The following CUX1 variants were observed in gnomAD, a reference collection of about 807,000 sequenced individuals.
CUX1 encodes the protein cut like homeobox 1.
CUX1 carries 31 observed loss-of-function variants against 158.8 expected under a neutral mutation model. That is an observed-to-expected ratio of 0.20 (90% CI 0.15 to 0.26). The LOEUF is 0.26. Among genes scored for constraint, CUX1 ranks in the 10% least tolerant of loss-of-function variants. The pLI is 1.00. For missense variants in CUX1, 1,589 were observed against 2,014.6 expected (o/e 0.79, Z 4.04); for synonymous variants, 879 against 862.1 (o/e 1.02, Z -0.34).
intron 1 of CUX1, among the ~76,000 whole-genome samples, chr7:101,900,945 A>G (rs1802077663): frequency 6.6e-6 from 1 of 152,222 alleles, no homozygotes; most frequent in East Asian, 1.9e-4. Context: ...TCTAACAATG[A>G]TAACTACTAT....
chr7:102,266,203 CAAA>C (rs34666659), intron 14 of CUX1, among the ~76,000 whole-genome samples: 5 of 100,936 alleles, frequency 5.0e-5, no homozygotes, highest in Non-Finnish European at 8.1e-5. Context: ...GACTCCGTTT[CAAA>C]AAAAAAAAAA....
In CUX1 at chr7:102,249,852, A is replaced by G. The variant is rs1554539242; in HGVS notation, c.*810A>G. On this transcript the variant is annotated 3_prime_UTR_variant, in exon 24 of 24. Coordinates refer to ENST00000292535, the MANE Select transcript of CUX1 (RefSeq NM_181552.4). Reference sequence around the variant, plus strand: ...CTTTGAATTAAAATAAAACACATTTACTCCACATATTTTTTAACAAAAAGA... The same window carrying G: ...CTTTGAATTAAAATAAAACACATTTGCTCCACATATTTTTTAACAAAAAGA... 2 of 985,514 alleles carry G rather than the reference A, an allele frequency of 2.0e-6. No homozygotes were observed. The highest frequency in any genetic ancestry group is 1.2e-6 in the Non-Finnish European group (1 of 829,784). The allele number at this position is 985,514 out of a possible 1,614,324, so 61.0% of individuals were successfully genotyped here.
intron 1 of CUX1, among the ~76,000 whole-genome samples, chr7:101,825,567 GTCCCGCAGTTTGTCA>G (rs1266418512): frequency 6.6e-6 from 1 of 152,158 alleles, no homozygotes; most frequent in African/African-American, 2.4e-5. Flanking sequence ...CTCAGCCCTG[GTCCCGCAGTTTGTCA>G]TCCCGCAGTT....
At chr7:101,848,899 C>T (rs990958501) in intron 1 of CUX1, among the ~76,000 whole-genome samples, 40 of 110,934 alleles carry the variant, frequency 3.6e-4, no homozygotes, top group Non-Finnish European at 5.6e-4. Context: ...ACTAACTGAA[C>T]ACTTGCAAGG....
chr7:102,041,256 CTTTTTTTTTTTTTTTT>C (rs11427183), intron 3 of CUX1, among the ~76,000 whole-genome samples: 2 of 69,892 alleles, frequency 2.9e-5, no homozygotes, highest in East Asian at 5.4e-4. Context: ...CTTATCCATT[CTTTTTTTTTTTTTTTT>C]TTTTTTTTTT....
At chr7:101,905,855 CTTTT>C (rs759716687) in intron 1 of CUX1, among the ~76,000 whole-genome samples, 2 of 152,062 alleles carry the variant, frequency 1.3e-5, no homozygotes, top group Admixed American at 6.6e-5. Context: ...TTCTTTCTTT[CTTTT>C]TATTTTTTTA....
At chr7:101,907,101 A>G (rs1260344704) in intron 1 of CUX1, among the ~76,000 whole-genome samples, 1 of 152,232 alleles carries the variant, frequency 6.6e-6, no homozygotes, top group Non-Finnish European at 1.5e-5. Flanking sequence ...GTGTCTGAGA[A>G]CATTTGGGAA....
At chr7:102,065,823 G>A (rs891116753) in intron 3 of CUX1, among the ~76,000 whole-genome samples, 3 of 151,556 alleles carry the variant, frequency 2.0e-5, no homozygotes, top group South Asian at 4.2e-4. Context: ...ATGGAGTCTC[G>A]CTCTGTCGCC....
rs377385077 is a variant in CUX1, at chr7:102,256,038, C to T, written c.*6996C>T. 7 of 985,298 alleles carry T rather than the reference C, an allele frequency of 7.1e-6. No individual in the cohort carries two copies. Among genetic ancestry groups the T allele is most frequent in the South Asian group, 4.7e-5 (1 of 21,292 alleles). 61.0% of individuals were successfully genotyped at this position (985,298 alleles called of 1,614,324 possible). A position where few individuals can be genotyped will look rare whatever the true frequency, so the allele number is the denominator to read the frequency against. On this transcript the variant is annotated 3_prime_UTR_variant, in exon 24 of 24. Coordinates refer to ENST00000292535, the MANE Select transcript of CUX1 (RefSeq NM_181552.4). ...ACTGTAGTTCCGTTTGTTCATGAAC[C>T]GAAGGGAAAACAGGCCTCCCCGACT...
chr7:102,049,910 G>A (rs745627037), intron 3 of CUX1, among the ~76,000 whole-genome samples: 2 of 152,094 alleles, frequency 1.3e-5, no homozygotes, highest in Non-Finnish European at 2.9e-5. Flanking sequence ...GCAGATAAGG[G>A]CTGCCGCTCT....
At chr7:102,128,055 C>T (rs1449157016) in intron 8 of CUX1, among the ~76,000 whole-genome samples, 2 of 152,192 alleles carry the variant, frequency 1.3e-5, no homozygotes, top group African/African-American at 4.8e-5. Flanking sequence ...GCCAGTTGGC[C>T]AAGCTGGTCT....
rs781841903 is a variant in CUX1 at position 102,158,551 on chromosome 7, C to T, written c.675-9C>T. ...TGACTAACCTGCTCTCTCCCTCTCA[C>T]CCTCCTAGGGCCGACGAGATTGAAA... On this transcript the variant is annotated splice_polypyrimidine_tract_variant and intron_variant, in intron 8 of 23. Coordinates refer to ENST00000292535, the MANE Select transcript of CUX1 (RefSeq NM_181552.4). 1.2e-6 allele frequency: 2 copies of T among 1,613,990 alleles called. No individual in the cohort carries two copies. Among genetic ancestry groups the T allele is most frequent in the African/African-American group, 2.7e-5 (2 of 75,016 alleles).
rs1279668364 is a variant in CUX1 at position 102,283,078 on chromosome 7, C to T, written c.2025C>T (p.Asp675=). Residue 675 remains aspartate (D), a synonymous_variant, in exon 23 of 23, where the codon GAC becomes GAT. Transcript: ENST00000292538. Reference sequence around the variant, plus strand: ...ATGACAACGGGGCTGCGGCTGGTGACTTGTGGCAGTGATACCCCGGGGCCT... The same window carrying T: ...ATGACAACGGGGCTGCGGCTGGTGATTTGTGGCAGTGATACCCCGGGGCCT... The T allele has an allele frequency of 5.6e-6, 9 of 1,613,526 alleles. 1 individual carries two copies. The highest frequency in any genetic ancestry group is 5.5e-5 in the South Asian group (5 of 91,052).
At chr7:101,887,766 C>T (rs1800381208) in intron 1 of CUX1, among the ~76,000 whole-genome samples, 1 of 151,594 alleles carries the variant, frequency 6.6e-6, no homozygotes, top group Non-Finnish European at 1.5e-5. Context: ...GAGTGGCTGT[C>T]ATACGACATT....
chr7:101,825,753 C>CTGTGTG (rs537662700), intron 1 of CUX1, among the ~76,000 whole-genome samples: 6,228 of 129,134 alleles, frequency 0.048, 179 homozygotes, highest in East Asian at 0.079. Flanking sequence ...TTAATGAAAT[C>CTGTGTG]TGTGTGTGTG....
intron 16 of CUX1, chr7:102,274,429 ACGCCT>A (rs1791452677): frequency 1.2e-6 from 1 of 809,782 alleles, no homozygotes; most frequent in African/African-American, 1.7e-5. Context: ...TCAGGCCCCC[ACGCCT>A]GCAATGCAGC....
chr7:102,252,909 G>A lies in CUX1; in HGVS notation c.*3867G>A, dbSNP rs992445181. The A allele has an allele frequency of 4.8e-5, 47 of 985,350 alleles. No homozygotes were observed. The East Asian group carries it at 5.7e-4, about 12-fold the overall frequency. The allele number at this position is 985,350 out of a possible 1,614,324, so 61.0% of individuals were successfully genotyped here. On this transcript the variant is annotated 3_prime_UTR_variant, in exon 24 of 24. Transcript: ENST00000292535. ...TCTTGGCATGAGGCAGCTTCTAAGC[G>A]TCTCCTGGGACAGGATTGGGGTGAC...
intron 2 of CUX1, among the ~76,000 whole-genome samples, chr7:101,965,635 C>G (rs1365006137): frequency 2.0e-5 from 3 of 152,062 alleles, no homozygotes; most frequent in African/African-American, 7.2e-5. Flanking sequence ...ATCACGAGGT[C>G]AGGAGATCGA....
intron 1 of CUX1, among the ~76,000 whole-genome samples, chr7:101,894,206 CT>C (rs1206228726): frequency 1.3e-5 from 2 of 152,210 alleles, no homozygotes; most frequent in Non-Finnish European, 2.9e-5. Context: ...CTTAAATTAG[CT>C]AACAAGGATG....
Sources: allele counts gnomAD v4.1 joint callset (sites outside exome capture counted in the v4.1 genomes callset), GRCh38; gene constraint gnomAD v4.1.1; transcripts MANE v1.5; gene names NCBI Gene and HGNC (gene_info 2026-07-23, HGNC 2026-07-21).